The following UQCC1 variants were observed in gnomAD, a reference collection of about 807,000 sequenced individuals.
UQCC1 encodes the protein bFGF-repressed Zic-binding protein.
UQCC1 carries 38 observed loss-of-function variants against 48.0 expected under a neutral mutation model. That is an observed-to-expected ratio of 0.79 (90% CI 0.61 to 1.04). The LOEUF (loss-of-function observed/expected upper bound fraction) is 1.04. Ranked by LOEUF, UQCC1 falls within the 50% of genes least tolerant of loss-of-function variation. UQCC1 has a pLI of 0.00. For missense variants in UQCC1, 368 were observed against 381.8 expected, an observed-to-expected ratio of 0.96 and a Z score of 0.30; for synonymous variants, 111 against 129.2, an observed-to-expected ratio of 0.86 and a Z score of 0.95.
chr20:35,404,861 A>T (rs2062228130), intron 1 of UQCC1, among the ~76,000 whole-genome samples: 2 of 152,196 alleles, frequency 1.3e-5, no homozygotes, highest in African/African-American at 4.8e-5. Flanking sequence ...TGAGGCAGTG[A>T]TTAACAGGTG....
intron 1 of UQCC1, among the ~76,000 whole-genome samples, chr20:35,398,526 T>C (rs951048389): frequency 2.0e-5 from 3 of 152,166 alleles, no homozygotes; most frequent in African/African-American, 4.8e-5. Flanking sequence ...AATTGTATAA[T>C]TGCCACTTAC....
At chr20:35,333,828 AAG>A (rs2061285493) in intron 7 of UQCC1, among the ~76,000 whole-genome samples, 1 of 152,246 alleles carries the variant, frequency 6.6e-6, no homozygotes. Flanking sequence ...TGATGTTAAC[AAG>A]AGTTTCTTTA....
intron 1 of UQCC1, among the ~76,000 whole-genome samples, chr20:35,397,321 G>A (rs560578713): frequency 1.3e-5 from 2 of 151,388 alleles, no homozygotes; most frequent in Admixed American, 1.3e-4. Context: ...CGAGACCATC[G>A]TGGCTAACAC....
chr20:35,347,084 C>T, intron 7 of UQCC1, 80 bp downstream of exon 7: 1 of 1,614,046 alleles, frequency 6.2e-7, no homozygotes, highest in East Asian at 2.2e-5. Context: ...AAAGCAGGGC[C>T]ATTTTACAAC....
At chr20:35,321,389 TTC>T (rs1242025453) in intron 7 of UQCC1, among the ~76,000 whole-genome samples, 3 of 152,138 alleles carry the variant, frequency 2.0e-5, no homozygotes, top group Admixed American at 2.0e-4. Context: ...GAAAGACAAT[TTC>T]TTTTTCTCTT....
At chr20:35,326,139 C>G (rs1006785101) in intron 7 of UQCC1, among the ~76,000 whole-genome samples, 15 of 151,538 alleles carry the variant, frequency 9.9e-5, no homozygotes, top group Admixed American at 6.6e-5. Context: ...AGATGAGAGT[C>G]TGTAAGGAAC....
At chr20:35,377,947 C>G (rs751988578) in intron 4 of UQCC1, among the ~76,000 whole-genome samples, 2 of 152,206 alleles carry the variant, frequency 1.3e-5, no homozygotes, top group Admixed American at 6.5e-5. Flanking sequence ...CAAGGCCAAG[C>G]CTTTATACTT....
At chr20:35,310,115 C>T (rs996638997) in intron 8 of UQCC1, among the ~76,000 whole-genome samples, 3 of 152,208 alleles carry the variant, frequency 2.0e-5, no homozygotes, top group Admixed American at 6.5e-5. Context: ...ATATTTACTG[C>T]TTATCTGCTA....
chr20:35,378,845 T>G (rs1246130741), intron 4 of UQCC1, among the ~76,000 whole-genome samples: 1 of 152,196 alleles, frequency 6.6e-6, no homozygotes, highest in African/African-American at 2.4e-5. Context: ...CATATAACAT[T>G]CATTGAACAT....
chr20:35,360,803 C>T (rs187562987), intron 6 of UQCC1, among the ~76,000 whole-genome samples: 70 of 152,244 alleles, frequency 4.6e-4, no homozygotes, highest in African/African-American at 1.6e-3. Context: ...CGGGGCCCAT[C>T]ATACAGCTGG....
chr20:35,374,101 A>G, intron 5 of UQCC1, 83 bp downstream of exon 5: 3 of 1,127,032 alleles, frequency 2.7e-6, no homozygotes, highest in South Asian at 2.7e-5. Context: ...TAGGGACTAA[A>G]AAAACCTATC....
chr20:35,359,199 G>T (rs2061579087), intron 6 of UQCC1, among the ~76,000 whole-genome samples: 2 of 152,166 alleles, frequency 1.3e-5, no homozygotes, highest in South Asian at 4.1e-4. Flanking sequence ...ACTTGTCACT[G>T]TAAGATGCAT....
At chr20:35,393,648 A>C (rs1351957564) in intron 2 of UQCC1, among the ~76,000 whole-genome samples, 4 of 150,124 alleles carry the variant, frequency 2.7e-5, no homozygotes, top group African/African-American at 1.0e-4. Context: ...ATCAGGAGGG[A>C]CACAAGGTCC....
chr20:35,396,141 C>T (rs917821053), intron 1 of UQCC1, among the ~76,000 whole-genome samples: 2 of 151,686 alleles, frequency 1.3e-5, no homozygotes, highest in Admixed American at 6.6e-5. Context: ...TGAGCCACCA[C>T]ATAGGGCTAA....
At chr20:35,387,524 T>G (rs184684061) in intron 2 of UQCC1, among the ~76,000 whole-genome samples, 1 of 152,098 alleles carries the variant, frequency 6.6e-6, no homozygotes, top group African/African-American at 2.4e-5. Flanking sequence ...ATTTTTTTTT[T>G]TTTTCAAAGA....
In UQCC1 at chr20:35,393,987, T is replaced by C. The variant is rs111493459; in HGVS notation, c.129+105A>G. 6,614 of 1,065,518 alleles carry C rather than the reference T, an allele frequency of 6.2e-3. 30 individuals are homozygous for C. The highest frequency in any genetic ancestry group is 7.4e-3 in the Non-Finnish European group (5,185 of 700,390). 66.0% of individuals were successfully genotyped at this position (1,065,518 alleles called of 1,614,324 possible). ...ACCACAGAGACCCAGAGTGGTCTCATGAGGTTTTTCCATCACACAATTTGG... is the reference window on the plus strand; with the variant it reads ...ACCACAGAGACCCAGAGTGGTCTCACGAGGTTTTTCCATCACACAATTTGG... On this transcript the variant is annotated intron_variant, in intron 2 of 9. Coordinates refer to ENST00000374385, the MANE Select transcript of UQCC1 (RefSeq NM_018244.5).
At chr20:35,402,929 T>C (rs1210210258) in intron 1 of UQCC1, among the ~76,000 whole-genome samples, 1 of 151,724 alleles carries the variant, frequency 6.6e-6, no homozygotes, top group Non-Finnish European at 1.5e-5. Flanking sequence ...TAGCTGGGCA[T>C]GAGGGCATGC....
intron 7 of UQCC1, among the ~76,000 whole-genome samples, chr20:35,336,729 T>C (rs1240574568): frequency 3.3e-5 from 5 of 152,230 alleles, no homozygotes; most frequent in African/African-American, 4.8e-5. Context: ...GTAACTGCTA[T>C]GGGAAACTAT....
intron 1 of UQCC1, among the ~76,000 whole-genome samples, chr20:35,396,459 T>G (rs1185520470): frequency 1.3e-5 from 2 of 151,864 alleles, no homozygotes; most frequent in Admixed American, 6.6e-5. Context: ...AAGGCTTGCA[T>G]AGCTGTGCCT....
Sources: allele counts gnomAD v4.1 joint callset (sites outside exome capture counted in the v4.1 genomes callset), GRCh38; gene constraint gnomAD v4.1.1; transcripts MANE v1.5; gene names NCBI Gene and HGNC (gene_info 2026-07-23, HGNC 2026-07-21).